The following NR2C2 variants were observed in gnomAD, a reference collection of about 807,000 sequenced individuals.
NR2C2 encodes the protein nuclear receptor subfamily 2 group C member 2, also known as Nuclear hormone receptor TR4.
In NR2C2, 6 loss-of-function variants were observed where a neutral mutation model predicts 62.9. The ratio of observed to expected loss-of-function variants is 0.10; its 90% confidence interval spans 0.05 to 0.19. The LOEUF is 0.19. NR2C2 is among the 10% of genes least tolerant of loss of function. The probability of loss-of-function intolerance (pLI) is 1.00; values close to 1 mark genes in which losing one functional copy is unlikely to be tolerated. For missense variants in NR2C2, 479 were observed against 762.7 expected (o/e 0.63, Z 4.38); for synonymous variants, 272 against 273.8 (o/e 0.99, Z 0.07).
intron 1 of NR2C2, among the ~76,000 whole-genome samples, chr3:14,949,250 T>G (rs1463542745): frequency 6.6e-6 from 1 of 152,206 alleles, no homozygotes; most frequent in Non-Finnish European, 1.5e-5. Context: ...CCAAATGACC[T>G]GCTGAAGAAG....
intron 1 of NR2C2, among the ~76,000 whole-genome samples, chr3:14,955,937 A>G (rs888032596): frequency 3.9e-5 from 6 of 152,190 alleles, no homozygotes; most frequent in African/African-American, 7.2e-5. Flanking sequence ...CTTCCCTACT[A>G]GTCACTCACC....
intron 1 of NR2C2, among the ~76,000 whole-genome samples, chr3:15,000,187 A>G (rs1038738956): frequency 5.3e-5 from 8 of 152,086 alleles, no homozygotes; most frequent in African/African-American, 1.9e-4. Context: ...CCTGCCCCTC[A>G]GCCTCTGTTA....
At chr3:15,037,734 T>G (rs1220944718) in intron 11 of NR2C2, among the ~76,000 whole-genome samples, 2 of 152,224 alleles carry the variant, frequency 1.3e-5, no homozygotes, top group Non-Finnish European at 2.9e-5. Context: ...AATGTACACC[T>G]ACAGGCCAGC....
At chr3:14,953,563 T>C (rs2039431869) in intron 1 of NR2C2, among the ~76,000 whole-genome samples, 1 of 152,076 alleles carries the variant, frequency 6.6e-6, no homozygotes, top group Non-Finnish European at 1.5e-5. Context: ...GGGGAAAAAG[T>C]TTCCTACCTG....
At chr3:15,035,398 T>C (rs1034156340) in intron 11 of NR2C2, among the ~76,000 whole-genome samples, 2 of 152,272 alleles carry the variant, frequency 1.3e-5, no homozygotes, top group Admixed American at 6.5e-5. Flanking sequence ...AAGGTCAACT[T>C]CTTGATAGGC....
intron 2 of NR2C2, 85 bp downstream of exon 2, chr3:15,004,071 G>C (rs2041098529): frequency 1.8e-6 from 2 of 1,136,086 alleles, no homozygotes. Flanking sequence ...TCACTAAAGA[G>C]TTGTGCCTTT....
Position 15,008,216 on chromosome 3 carries a change from G to GTTTTTT in NR2C2, c.72+4233_72+4234insTTTTTT, listed in dbSNP as rs752913261. Among the ~76,000 whole-genome samples the GTTTTTT allele has an allele frequency of 2.3e-5, 3 of 127,696 alleles. 1 individual carries two copies. Among genetic ancestry groups the GTTTTTT allele is most frequent in the Non-Finnish European group, 3.3e-5 (2 of 59,908 alleles). The allele number at this position is 127,696 out of a possible 152,430, so 83.8% of individuals were successfully genotyped here. The stretch of plus-strand genomic sequence containing the variant: ...ATGTTAGCAAACAGTTTTTTTGTTT[G>GTTTTTT]TTTGTTTTTTTTTTTAAATTAGGGG... On this transcript the variant is annotated intron_variant, in intron 2 of 13. Transcript: ENST00000425241.
chr3:15,042,080 A>T (rs2042288649), intron 13 of NR2C2, among the ~76,000 whole-genome samples: 1 of 152,114 alleles, frequency 6.6e-6, no homozygotes. Flanking sequence ...TTGGGCTGTC[A>T]CACATGGCAC....
chr3:15,034,588 C>T, intron 10 of NR2C2, 82 bp from the exon 11 acceptor site: 1 of 1,454,100 alleles, frequency 6.9e-7, no homozygotes, highest in Non-Finnish European at 9.4e-7. Context: ...TTGGGAAATG[C>T]TGGGACTTAG....
At chr3:14,963,471 TTTTA>T (rs2039746864) in intron 1 of NR2C2, among the ~76,000 whole-genome samples, 1 of 152,128 alleles carries the variant, frequency 6.6e-6, no homozygotes, top group Admixed American at 6.6e-5. Context: ...ATTTTTTATT[TTTTA>T]TTTTTTATTT....
chr3:15,013,179 A>C (rs112497585), intron 2 of NR2C2, among the ~76,000 whole-genome samples: 91 of 152,338 alleles, frequency 6.0e-4, no homozygotes, highest in African/African-American at 2.1e-3. Context: ...CCTTTTAGAA[A>C]GAGGCTGTCT....
intron 1 of NR2C2, among the ~76,000 whole-genome samples, chr3:14,997,999 C>A (rs1029736759): frequency 6.6e-6 from 1 of 152,146 alleles, no homozygotes; most frequent in Non-Finnish European, 1.5e-5. Flanking sequence ...TTTCTGTCCC[C>A]ATGGATTTGC....
chr3:14,982,717 A>G (rs1484261833), intron 1 of NR2C2, among the ~76,000 whole-genome samples: 1 of 152,058 alleles, frequency 6.6e-6, no homozygotes, highest in African/African-American at 2.4e-5. Context: ...GTTATCTATG[A>G]TTTAATGACA....
intron 12 of NR2C2, 58 bp from the exon 13 acceptor site, chr3:15,039,064 A>C (rs1451813852): frequency 9.5e-6 from 12 of 1,269,590 alleles, no homozygotes; most frequent in Non-Finnish European, 1.1e-5. Context: ...TAAGAAGTCT[A>C]CAAGTGAGAC....
intron 1 of NR2C2, among the ~76,000 whole-genome samples, chr3:14,988,599 A>G (rs376020235): frequency 2.4e-3 from 362 of 152,330 alleles, no homozygotes; most frequent in African/African-American, 8.2e-3. Context: ...CCTTTTACAC[A>G]TACGTAAAGC....
intron 9 of NR2C2, 84 bp downstream of exon 9, chr3:15,030,536 C>A: frequency 7.2e-7 from 1 of 1,397,768 alleles, no homozygotes; most frequent in South Asian, 1.6e-5. Context: ...TTTTAAAAAT[C>A]AAACCTTGGG....
chr3:15,017,239 A>G (rs957694227), intron 4 of NR2C2, among the ~76,000 whole-genome samples: 6 of 152,136 alleles, frequency 3.9e-5, no homozygotes, highest in Admixed American at 3.3e-4. Context: ...TTATCTGCCA[A>G]TGGTGCCTGC....
intron 1 of NR2C2, among the ~76,000 whole-genome samples, chr3:14,994,923 G>C (rs963227882): frequency 7.3e-6 from 1 of 136,222 alleles, no homozygotes; most frequent in Non-Finnish European, 1.6e-5. Context: ...TCTAAAAAAA[G>C]AAAAGAAAAA....
rs1189543581 is a variant in NR2C2, at chr3:15,044,777, C to T, written c.*1769C>T. ...GCCAGCTACAGACGCCCCTGTGGTGCCACATTGGACAGAATGGAAGCTGCT... is the reference window on the plus strand; with the variant it reads ...GCCAGCTACAGACGCCCCTGTGGTGTCACATTGGACAGAATGGAAGCTGCT... On this transcript the variant is annotated 3_prime_UTR_variant, in exon 14 of 14. Coordinates refer to ENST00000425241, the MANE Select transcript of NR2C2 (RefSeq NM_001291694.2). The T allele has an allele frequency of 6.6e-6, 1 of 152,220 alleles. No homozygotes were observed. Among genetic ancestry groups the T allele is most frequent in the Admixed American group, 6.5e-5 (1 of 15,288 alleles). The allele number at this position is 152,220 out of a possible 1,614,324, so 9.4% of individuals were successfully genotyped here.
Sources: gnomAD v4.1 joint callset for allele counts (sites outside exome capture counted in the v4.1 genomes callset) on GRCh38, gnomAD v4.1.1 for gene constraint, MANE v1.5 for transcripts, NCBI Gene and HGNC (gene_info 2026-07-23, HGNC 2026-07-21) for gene names.